PBX4: variants seen among roughly 807,000 people sequenced by gnomAD.
PBX4 encodes the protein PBX homeobox 4, also known as pre-B-cell leukemia transcription factor 4.
A neutral mutation model predicts 35.1 loss-of-function variants in PBX4; 26 were observed. The ratio of observed to expected loss-of-function variants is 0.74; its 90% confidence interval spans 0.54 to 1.03. The LOEUF is 1.03. PBX4 is among the 50% of genes least tolerant of loss of function. The pLI is 0.00. For missense variants in PBX4, 448 were observed against 504.3 expected, an observed-to-expected ratio of 0.89 and a Z score of 1.07; for synonymous variants, 199 against 204.2, an observed-to-expected ratio of 0.97 and a Z score of 0.22.
chr19:19,562,137 GC>G lies in PBX4; in HGVS notation c.1033-21del, dbSNP rs1194802936. 5.0e-6 allele frequency: 8 copies of G among 1,590,052 alleles called. No individual in the cohort carries two copies. Among genetic ancestry groups the G allele is most frequent in the South Asian group, 3.4e-5 (3 of 88,708 alleles). On this transcript the variant is annotated intron_variant, in intron 7 of 7. Coordinates refer to ENST00000251203, the MANE Select transcript of PBX4 (RefSeq NM_025245.3). The surrounding 1 kb of genome is among the most constrained non-coding windows in gnomAD (Gnocchi z 4.8). ...CTGGGCCTGAAACGACAGAGACTGA[GC>G]ATCAGAGTGGGTGGCCGTGAGACTG...
rs144680749 is a variant in PBX4, at chr19:19,583,914, A to G, written c.194-13081T>C. Among the ~76,000 whole-genome samples, 1,361 of 152,238 alleles carry G rather than the reference A, an allele frequency of 8.9e-3. 24 individuals carry two copies. The highest frequency in any genetic ancestry group is 0.031 in the African/African-American group (1,306 of 41,530). On this transcript the variant is annotated intron_variant, in intron 2 of 7. Transcript: ENST00000251203. ...GAGAAATCCCATCTCTACTAAAAAT[A>G]CAAAATTAGCTGGGCATGGTGGCAC... is the stretch of plus-strand genomic sequence containing the variant.
At chr19:19,602,090 G>A (rs2061601341) in intron 1 of PBX4, among the ~76,000 whole-genome samples, 1 of 151,706 alleles carries the variant, frequency 6.6e-6, no homozygotes, top group African/African-American at 2.4e-5. Flanking sequence ...GGAGAGAAGA[G>A]TAATCTGTGA....
chr19:19,595,097 G>C (rs1253017462), intron 2 of PBX4, among the ~76,000 whole-genome samples: 1 of 152,196 alleles, frequency 6.6e-6, no homozygotes, highest in African/African-American at 2.4e-5. Context: ...ATCCGCTGTG[G>C]GCAGTGGGGA....
Position 19,570,124 on chromosome 19 carries a change from C to A in PBX4, c.617G>T (p.Arg206Leu). The stretch of plus-strand genomic sequence containing the variant: ...AGGCCCTGACCTGGCATCGAGCAGC[C>A]GCGAACGCAGGGTCATCACTGCCTC... ...TCEAVMTLRS[R>L]LLDARRKRRN... Residue 206 changes from arginine (R) to leucine (L), a missense_variant, in exon 4 of 8, where the codon CGG becomes CTG. Coordinates refer to ENST00000251203, the MANE Select transcript of PBX4 (RefSeq NM_025245.3). 1 of 1,606,044 alleles carries A rather than the reference C, an allele frequency of 6.2e-7. No individual in the cohort carries two copies. Among genetic ancestry groups the A allele is most frequent in the Non-Finnish European group, 8.5e-7 (1 of 1,175,322 alleles).
chr19:19,585,825 C>T (rs974991505), intron 2 of PBX4, among the ~76,000 whole-genome samples: 9 of 152,096 alleles, frequency 5.9e-5, no homozygotes, highest in African/African-American at 2.2e-4. Context: ...CTAACTTCAC[C>T]GCCTATCCCA....
chr19:19,581,510 G>T (rs921230797), intron 2 of PBX4, among the ~76,000 whole-genome samples: 4 of 152,186 alleles, frequency 2.6e-5, no homozygotes, highest in Non-Finnish European at 5.9e-5. Context: ...ACTGTCTTGC[G>T]GGTGGCGGTG....
rs2061375671 is a variant in PBX4, at chr19:19,570,525, G to A, written c.441+61C>T. Reference sequence around the variant, plus strand: ...ACGAAAGAAAGGTGGTTAGCGTTCCGTGTTTCGCTTTGACAAATGCGCATT... The same window carrying A: ...ACGAAAGAAAGGTGGTTAGCGTTCCATGTTTCGCTTTGACAAATGCGCATT... On this transcript the variant is annotated intron_variant, in intron 3 of 7. Transcript: ENST00000251203. The A allele has an allele frequency of 9.4e-6, 15 of 1,590,942 alleles. No homozygotes were observed. The South Asian group carries it at 1.0e-4, about 11-fold the overall frequency.
chr19:19,570,560 G>C (rs757692713), intron 3 of PBX4, 26 bp downstream of exon 3: 1 of 1,607,782 alleles, frequency 6.2e-7, no homozygotes, highest in Non-Finnish European at 8.5e-7. Context: ...TCACATGACA[G>C]AAACTCTTCC....
In PBX4 at chr19:19,573,315, G is replaced by GA. The variant is rs1221032300; in HGVS notation, c.194-2483dup. 5.0e-4 allele frequency among the ~76,000 whole-genome samples: 36 copies of GA among 71,606 alleles called. No individual in the cohort carries two copies. The South Asian group carries it at 8.9e-3, about 18-fold the overall frequency. The allele number at this position is 71,606 out of a possible 152,430, so 47.0% of individuals were successfully genotyped here. A position where few individuals can be genotyped will look rare whatever the true frequency, so the allele number is the denominator to read the frequency against. On this transcript the variant is annotated intron_variant, in intron 2 of 7. Coordinates refer to ENST00000251203, the MANE Select transcript of PBX4 (RefSeq NM_025245.3). Reference sequence around the variant, plus strand: ...AGCGAAACTCCATCTCCAAAAAAAAGAAAAAAAAAAAATATACACACACAC... The same window carrying GA: ...AGCGAAACTCCATCTCCAAAAAAAAGAAAAAAAAAAAAATATACACACACAC...
chr19:19,570,395 G>A (rs1423285882), intron 3 of PBX4, 96 bp from the exon 4 acceptor site: 1 of 1,464,164 alleles, frequency 6.8e-7, no homozygotes, highest in East Asian at 2.3e-5. Flanking sequence ...GCCACCCCCT[G>A]TAGTTCACAC....
At chr19:19,596,041 T>C (rs1038604635) in intron 2 of PBX4, among the ~76,000 whole-genome samples, 18 of 152,188 alleles carry the variant, frequency 1.2e-4, no homozygotes, top group Admixed American at 9.2e-4. Context: ...GAGGCTGCAA[T>C]GAGCTGTGAC....
chr19:19,566,751 T>C (rs1325105625), intron 5 of PBX4, among the ~76,000 whole-genome samples: 2 of 147,722 alleles, frequency 1.4e-5, no homozygotes, highest in Non-Finnish European at 3.0e-5. Context: ...TCACCCAGGC[T>C]GGAGTGTGGA....
chr19:19,563,561 C>T lies in PBX4; in HGVS notation c.980G>A (p.Arg327Gln), dbSNP rs141765874. Reference sequence around the variant, plus strand: ...AGGAGGCTGGAGAGAGGCCAGAGTCCGCAGGGTGAGGAAGGCGTCCCCAGC... The same window carrying T: ...AGGAGGCTGGAGAGAGGCCAGAGTCTGCAGGGTGAGGAAGGCGTCCCCAGC... ...PSAGDAFLTL[R>Q]TLASLQPPPG... The change falls in exon 7 of 8, where the codon CGG becomes CAG. Residue 327 changes from arginine (R) to glutamine (Q), a missense_variant. Transcript: ENST00000251203. The surrounding 1 kb of genome is among the most constrained non-coding windows in gnomAD (Gnocchi z 5.1). The T allele has an allele frequency of 3.3e-3, 5,074 of 1,550,572 alleles. 47 individuals are homozygous for T. Among genetic ancestry groups the T allele is most frequent in the Middle Eastern group, 0.024 (115 of 4,792 alleles).
intron 2 of PBX4, among the ~76,000 whole-genome samples, chr19:19,585,969 C>T (rs892489598): frequency 6.6e-6 from 1 of 152,086 alleles, no homozygotes; most frequent in Non-Finnish European, 1.5e-5. Flanking sequence ...TTCACACGGA[C>T]GCGTGAGAAA....
chr19:19,569,874 C>T (rs183081913), intron 4 of PBX4, among the ~76,000 whole-genome samples: 1 of 152,254 alleles, frequency 6.6e-6, no homozygotes, highest in Admixed American at 6.5e-5. Flanking sequence ...CGCACCACTG[C>T]ACTCCAGCCT....
intron 2 of PBX4, among the ~76,000 whole-genome samples, chr19:19,599,055 A>G (rs146592260): frequency 0.015 from 2,265 of 149,358 alleles, 79 homozygotes; most frequent in South Asian, 0.078. Flanking sequence ...CGCAACCTCC[A>G]CCTCCCAGGT....
intron 5 of PBX4, among the ~76,000 whole-genome samples, chr19:19,567,385 T>C (rs1024047689): frequency 1.3e-5 from 2 of 152,212 alleles, no homozygotes; most frequent in Non-Finnish European, 2.9e-5. Flanking sequence ...TTGCTCTCTG[T>C]CACAGAGACT....
At chr19:19,599,429 A>G in intron 1 of PBX4, 64 bp from the exon 2 acceptor site, 3 of 1,409,600 alleles carry the variant, frequency 2.1e-6, no homozygotes, top group Non-Finnish European at 2.0e-6. Flanking sequence ...CCCCAAGAGT[A>G]AAGATCTTCC....
At chr19:19,569,346 C>G in intron 5 of PBX4, 103 bp downstream of exon 5, 1 of 1,424,732 alleles carries the variant, frequency 7.0e-7, no homozygotes, top group Non-Finnish European at 9.3e-7. Flanking sequence ...AGCAGCCATG[C>G]CTGGCCTCTG....
Sources: allele counts gnomAD v4.1 joint callset (sites outside exome capture counted in the v4.1 genomes callset), GRCh38; gene constraint gnomAD v4.1.1; non-coding constraint Gnocchi (gnomAD v3.1); transcripts MANE v1.5; gene names NCBI Gene and HGNC (gene_info 2026-07-23, HGNC 2026-07-21).